Variants in ACOT13 observed in about 807,000 individuals in gnomAD.
The protein encoded by ACOT13 is acyl-coenzyme A thioesterase 13.
A neutral mutation model predicts 11.8 loss-of-function variants in ACOT13; 10 were observed. That is an observed-to-expected ratio of 0.85 (90% CI 0.53 to 1.44). The LOEUF is 1.44. Among genes scored for constraint, ACOT13 ranks in the 40% most tolerant of loss-of-function variants. ACOT13 has a pLI of 0.00. For synonymous variants in ACOT13, 53 were observed against 61.0 expected (o/e 0.87, Z 0.61); for missense variants, 172 against 174.1 (o/e 0.99, Z 0.07).
intron 1 of ACOT13, chr6:24,687,772 A>G: frequency 7.3e-7 from 1 of 1,367,846 alleles, no homozygotes; most frequent in Non-Finnish European, 9.6e-7. Context: ...GTACAATGGT[A>G]CGATCTTGGC....
intron 1 of ACOT13, among the ~76,000 whole-genome samples, chr6:24,691,466 G>A (rs749466499): frequency 1.3e-5 from 2 of 152,172 alleles, no homozygotes; most frequent in South Asian, 4.1e-4. Flanking sequence ...ATGTTAGATG[G>A]TGATAATTGC....
chr6:24,668,874 C>T (rs1383570653), intron 1 of ACOT13, among the ~76,000 whole-genome samples: 2 of 152,164 alleles, frequency 1.3e-5, no homozygotes, highest in Admixed American at 1.3e-4. Context: ...GAGGTACTTT[C>T]AATTTCCCAT....
chr6:24,698,723 C>T (rs529985164), intron 2 of ACOT13, among the ~76,000 whole-genome samples: 14 of 151,896 alleles, frequency 9.2e-5, no homozygotes, highest in African/African-American at 1.4e-4. Flanking sequence ...CTTCAGCCTC[C>T]GCCTCTGGGG....
At chr6:24,668,726 C>A (rs1424906445) in intron 1 of ACOT13, among the ~76,000 whole-genome samples, 1 of 152,212 alleles carries the variant, frequency 6.6e-6, no homozygotes, top group Non-Finnish European at 1.5e-5. Flanking sequence ...TATATGCAAA[C>A]GAAGACGTGG....
chr6:24,695,498 AT>A (rs1325207879), intron 1 of ACOT13, among the ~76,000 whole-genome samples: 1 of 152,152 alleles, frequency 6.6e-6, no homozygotes, highest in Non-Finnish European at 1.5e-5. Flanking sequence ...GGAAATATAC[AT>A]TTTTAAAAGT....
At chr6:24,670,086 T>G (rs530843361) in intron 1 of ACOT13, among the ~76,000 whole-genome samples, 14 of 152,294 alleles carry the variant, frequency 9.2e-5, no homozygotes, top group Admixed American at 9.1e-4. Flanking sequence ...TAACAACAAG[T>G]GGACTGTAAG....
intron 1 of ACOT13, among the ~76,000 whole-genome samples, chr6:24,691,059 G>T (rs971290659): frequency 6.6e-6 from 1 of 152,170 alleles, no homozygotes; most frequent in African/African-American, 2.4e-5. Context: ...AAGTCCATAT[G>T]CTTAATAACC....
In ACOT13 at chr6:24,701,607, G is replaced by A; in HGVS notation, c.415G>A (p.Gly139Arg). 1 of 1,608,600 alleles carries A rather than the reference G, an allele frequency of 6.2e-7. No individual in the cohort carries two copies. Among genetic ancestry groups the A allele is most frequent in the Non-Finnish European group, 8.5e-7 (1 of 1,176,728 alleles). ...IAQGRHTKHLGN is the reference protein window; with the variant it reads ...IAQGRHTKHLRN ...ACAAGGAAGACACACAAAACACCTG[G>A]GAAACTGAGAGAACAGCAGAATGAC... Residue 139 changes from glycine (G) to arginine (R), a missense_variant, in exon 3 of 3, where the codon GGA becomes AGA. Physicochemically the swap from Gly to Arg is moderately radical, Grantham distance 125 (BLOSUM62 -2). Transcript: ENST00000230048.
chr6:24,690,975 T>C (rs894585092), intron 1 of ACOT13, among the ~76,000 whole-genome samples: 19 of 152,260 alleles, frequency 1.2e-4, no homozygotes, highest in African/African-American at 4.1e-4. Context: ...ACTTTTGTTA[T>C]AGAACTTTCT....
intron 1 of ACOT13, among the ~76,000 whole-genome samples, chr6:24,669,931 A>G (rs1430679408): frequency 6.6e-6 from 1 of 152,210 alleles, no homozygotes; most frequent in Non-Finnish European, 1.5e-5. Context: ...AGCTGTTTTC[A>G]GTGACTCCTA....
chr6:24,682,792 T>C (rs1477639720), intron 1 of ACOT13, among the ~76,000 whole-genome samples: 2 of 151,798 alleles, frequency 1.3e-5, no homozygotes, highest in Non-Finnish European at 2.9e-5. Flanking sequence ...CAAGATTTAA[T>C]AGAGTGAAAT....
intron 1 of ACOT13, among the ~76,000 whole-genome samples, chr6:24,676,948 G>A (rs944426265): frequency 5.9e-5 from 9 of 152,138 alleles, no homozygotes; most frequent in Non-Finnish European, 7.3e-5. Flanking sequence ...CTAGGTAAGC[G>A]TACTTAGAGT....
At position 24,701,533 on chromosome 6, in the gene ACOT13, C is replaced by A. The variant is rs759646184; in HGVS notation, c.341C>A (p.Ala114Glu). ...GTTCTGAAGCAAGGAAAAACACTTGCATTTACCTCTGTGGATCTGACCAAC... is the reference window on the plus strand; with the variant it reads ...GTTCTGAAGCAAGGAAAAACACTTGAATTTACCTCTGTGGATCTGACCAAC... ...AHVLKQGKTL[A>E]FTSVDLTNKA... Residue 114 changes from alanine (A) to glutamate (E), a missense_variant, in exon 3 of 3, where the codon GCA becomes GAA. By Grantham distance (107) the Ala-to-Glu change is moderately radical. Transcript: ENST00000230048. 1.9e-6 allele frequency: 3 copies of A among 1,613,872 alleles called. No individual in the cohort carries two copies. The African/African-American group carries it at 4.0e-5, about 22-fold the overall frequency.
chr6:24,689,337 T>C (rs1778687063), intron 1 of ACOT13, among the ~76,000 whole-genome samples: 1 of 152,158 alleles, frequency 6.6e-6, no homozygotes, highest in Non-Finnish European at 1.5e-5. Flanking sequence ...ACACAGCTAT[T>C]GAAAGAGATC....
At chr6:24,688,129 G>A (rs1778663208) in intron 1 of ACOT13, among the ~76,000 whole-genome samples, 1 of 152,036 alleles carries the variant, frequency 6.6e-6, no homozygotes, top group African/African-American at 2.4e-5. Context: ...ATATTTTCAA[G>A]TTCATTGGTC....
Position 24,697,999 on chromosome 6 carries a change from CAT to C in ACOT13, c.201_202del (p.Ser68AsnfsTer90). ...GGLTATLVDN[I>X]STMALLCTER... The stretch of plus-strand genomic sequence containing the variant: ...GTTTGACAGCCACGTTAGTAGATAA[CAT>C]ATCAACAATGGCTCTGCTATGCACG... On this transcript the variant is annotated frameshift_variant, in exon 2 of 3. Coordinates refer to ENST00000230048, the MANE Select transcript of ACOT13 (RefSeq NM_018473.4). LOFTEE classifies it high-confidence loss of function. 1 of 1,613,918 alleles carries C rather than the reference CAT, an allele frequency of 6.2e-7. No individual in the cohort carries two copies. Among genetic ancestry groups the C allele is most frequent in the Non-Finnish European group, 8.5e-7 (1 of 1,179,934 alleles).
At chr6:24,671,861 A>G (rs1257228772) in intron 1 of ACOT13, among the ~76,000 whole-genome samples, 1 of 152,230 alleles carries the variant, frequency 6.6e-6, no homozygotes, top group East Asian at 1.9e-4. Flanking sequence ...GATAATGTAC[A>G]CTAGGTCATA....
Position 24,685,332 on chromosome 6 carries a change from C to CTTTTTTTTTTTT in ACOT13, c.82-12530_82-12519dup, listed in dbSNP as rs563020332. ...ACATGGTCTCTTTCCTTTTACTGTA[C>CTTTTTTTTTTTT]TTTTTTTTTTTTTTTTTTTTTTTTT... On this transcript the variant is annotated intron_variant, in intron 1 of 2. Coordinates refer to ENST00000230048, the MANE Select transcript of ACOT13 (RefSeq NM_018473.4). Among the ~76,000 whole-genome samples, 281 of 116,688 alleles carry CTTTTTTTTTTTT rather than the reference C, an allele frequency of 2.4e-3. 9 individuals are homozygous for CTTTTTTTTTTTT. Among genetic ancestry groups the CTTTTTTTTTTTT allele is most frequent in the Non-Finnish European group, 4.0e-3 (220 of 55,478 alleles). 76.6% of individuals were successfully genotyped at this position (116,688 alleles called of 152,430 possible). A position where few individuals can be genotyped will look rare whatever the true frequency, so the allele number is the denominator to read the frequency against.
intron 1 of ACOT13, among the ~76,000 whole-genome samples, chr6:24,678,693 A>T (rs1484766846): frequency 6.6e-6 from 1 of 152,206 alleles, no homozygotes; most frequent in Admixed American, 6.5e-5. Context: ...TTTTGCTAGA[A>T]TGTCTCCCCC....
Sources: gnomAD v4.1 joint callset for allele counts (sites outside exome capture counted in the v4.1 genomes callset) on GRCh38, gnomAD v4.1.1 for gene constraint, MANE v1.5 for transcripts, NCBI Gene and HGNC (gene_info 2026-07-23, HGNC 2026-07-21) for gene names.